Variants in PAX3 observed in about 807,000 individuals in gnomAD.
PAX3 encodes paired box protein Pax-3.
In PAX3, 14 loss-of-function variants were observed where a neutral mutation model predicts 51.6. The ratio of observed to expected loss-of-function variants is 0.27; its 90% CI spans 0.18 to 0.42. PAX3 has a LOEUF of 0.42. PAX3 is among the 10% of genes least tolerant of loss of function. The probability of loss-of-function intolerance (pLI) is 1.00; values close to 1 mark genes in which losing one functional copy is unlikely to be tolerated. For synonymous variants in PAX3, 280 were observed against 253.4 expected, an observed-to-expected ratio of 1.11 and a Z score of -1.00; for missense variants, 540 against 642.8, an observed-to-expected ratio of 0.84 and a Z score of 1.73.
chr2:222,212,329 A>G (rs2106054052), intron 7 of PAX3, among the ~76,000 whole-genome samples: 1 of 152,260 alleles, frequency 6.6e-6, no homozygotes, highest in East Asian at 1.9e-4. Flanking sequence ...TGCTTCTTTC[A>G]TTAGTTCAGT....
chr2:222,249,289 C>T (rs182717584), intron 4 of PAX3, among the ~76,000 whole-genome samples: 242 of 152,154 alleles, frequency 1.6e-3, no homozygotes, highest in Admixed American at 4.7e-3. Context: ...ATACACTTGC[C>T]CCTTTTTTTC....
At chr2:222,296,447 A>G (rs1418320825) in intron 2 of PAX3, among the ~76,000 whole-genome samples, 1 of 151,200 alleles carries the variant, frequency 6.6e-6, no homozygotes. Flanking sequence ...CAAACTGCTT[A>G]TTTTTTTTTA....
At chr2:222,239,561 A>G (rs1404184733) in intron 4 of PAX3, among the ~76,000 whole-genome samples, 1 of 152,208 alleles carries the variant, frequency 6.6e-6, no homozygotes, top group Non-Finnish European at 1.5e-5. Flanking sequence ...TAAAATTTTA[A>G]CGTGTAGCTA....
At position 222,221,225 on chromosome 2, in the gene PAX3, G is replaced by A. The variant is rs2106074168; in HGVS notation, c.955C>T (p.Gln319Ter). 1.2e-6 allele frequency: 2 copies of A among 1,613,942 alleles called. No homozygotes were observed. The highest frequency in any genetic ancestry group is 1.7e-6 in the Non-Finnish European group (2 of 1,179,866). The change falls in exon 6 of 9, where the codon CAA becomes TAA. Residue 319 changes from glutamine to a stop codon, truncating the protein, a stop_gained. Coordinates refer to ENST00000392070, the MANE Select transcript of PAX3 (RefSeq NM_181458.4). LOFTEE classifies it high-confidence loss of function. ...CTCCTTGACTCTTCCTCGGTACCTT[G>A]TGGAATAGATGTGGGCTGGTAAGAG... ...ETSYQPTSIP[Q>*]AVSDPSSTVH...
intron 7 of PAX3, among the ~76,000 whole-genome samples, chr2:222,213,569 G>T (rs1242780706): frequency 6.6e-5 from 10 of 152,102 alleles, no homozygotes. Context: ...ACAGAAAGAG[G>T]CTCAAGCCTT....
intron 4 of PAX3, among the ~76,000 whole-genome samples, chr2:222,252,042 T>A (rs1363158966): frequency 1.3e-5 from 2 of 152,176 alleles, no homozygotes; most frequent in Non-Finnish European, 2.9e-5. Flanking sequence ...TGTTTTTACC[T>A]CTGAGCTAAG....
At chr2:222,246,405 T>G (rs1574684417) in intron 4 of PAX3, among the ~76,000 whole-genome samples, 1 of 152,348 alleles carries the variant, frequency 6.6e-6, no homozygotes, top group East Asian at 1.9e-4. Flanking sequence ...TAAGAAAAGC[T>G]TTTTGAGCAA....
chr2:222,272,889 C>T (rs1253587772), intron 4 of PAX3, among the ~76,000 whole-genome samples: 1 of 152,164 alleles, frequency 6.6e-6, no homozygotes, highest in Non-Finnish European at 1.5e-5. Flanking sequence ...CTCACCATGA[C>T]ACAGTCAGGG....
intron 4 of PAX3, among the ~76,000 whole-genome samples, chr2:222,242,860 C>T (rs1365827682): frequency 6.6e-6 from 1 of 152,172 alleles, no homozygotes. Flanking sequence ...TTCAATAAGT[C>T]TCATGACATA....
intron 4 of PAX3, among the ~76,000 whole-genome samples, chr2:222,260,571 T>G (rs1442387564): frequency 5.3e-5 from 4 of 75,558 alleles, no homozygotes; most frequent in Non-Finnish European, 8.3e-5. Flanking sequence ...TTTTGTTTTT[T>G]TTTTTTGTTT....
chr2:222,262,443 A>G (rs1301132659), intron 4 of PAX3: 4 of 152,184 alleles, frequency 2.6e-5, no homozygotes, highest in Admixed American at 6.5e-5. Context: ...ACTTGCATAG[A>G]GGAAAAATTT....
chr2:222,283,833 G>A (rs1559308488), intron 4 of PAX3, among the ~76,000 whole-genome samples: 1 of 152,258 alleles, frequency 6.6e-6, no homozygotes, highest in Admixed American at 6.5e-5. Flanking sequence ...TCAGACCAGT[G>A]CATGCGGGGA....
rs1386691711 is a variant in PAX3 at position 222,201,245 on chromosome 2, T to C, written c.*163A>G. The C allele has an allele frequency of 1.2e-6, 2 of 1,614,010 alleles. No homozygotes were observed. Among genetic ancestry groups the C allele is most frequent in the Admixed American group, 1.7e-5 (1 of 60,008 alleles). On this transcript the variant is annotated 3_prime_UTR_variant, in exon 9 of 9. Coordinates refer to ENST00000392070, the MANE Select transcript of PAX3 (RefSeq NM_181458.4). ...TTCAAAAGGATTTGAAACCAACTAT[T>C]GGAGGAAGAAAATCAATCACTCTCC...
At chr2:222,296,956 A>C in intron 2 of PAX3, 22 bp downstream of exon 2, 2 of 1,590,972 alleles carry the variant, frequency 1.3e-6, no homozygotes, top group Non-Finnish European at 1.7e-6. Flanking sequence ...GGGAGCCAGG[A>C]GGGCAAGGCC....
intron 4 of PAX3, among the ~76,000 whole-genome samples, chr2:222,249,709 C>A (rs1357156543): frequency 6.6e-6 from 1 of 152,156 alleles, no homozygotes; most frequent in East Asian, 1.9e-4. Context: ...CCCCCGGGGT[C>A]CCGCAGTTCT....
At position 222,297,209 on chromosome 2, in the gene PAX3, G is replaced by T; in HGVS notation, c.90C>A (p.Ser30=). The T allele has an allele frequency of 6.4e-7, 1 of 1,570,184 alleles. No individual in the cohort carries two copies. The highest frequency in any genetic ancestry group is 8.6e-7 in the Non-Finnish European group (1 of 1,156,362). Residue 30 remains serine (S), a synonymous_variant, in exon 2 of 9, where the codon TCC becomes TCA. Transcript: ENST00000392070. ...TGACGCGGCCCTGGCCGAGGGGAGTGGACACTGTGGGAAGGTGAAAAAGAG... is the reference window on the plus strand; with the variant it reads ...TGACGCGGCCCTGGCCGAGGGGAGTTGACACTGTGGGAAGGTGAAAAAGAG... ...YPRSGFPLEV[S]TPLGQGRVNQ...
At chr2:222,222,587 A>G (rs1283451090) in intron 5 of PAX3, among the ~76,000 whole-genome samples, 1 of 152,086 alleles carries the variant, frequency 6.6e-6, no homozygotes, top group East Asian at 1.9e-4. Context: ...TATTCTTAGT[A>G]GAGACGGGGT....
In PAX3 at chr2:222,232,274, G is replaced by A; in HGVS notation, c.596C>T (p.Pro199Leu). 1.9e-6 allele frequency: 3 copies of A among 1,613,718 alleles called. No individual in the cohort carries two copies. The highest frequency in any genetic ancestry group is 2.2e-5 in the East Asian group (1 of 44,876). Reference protein sequence around the residue: ...DGILSERASAPQSDEGSDIDS... With the variant: ...DGILSERASALQSDEGSDIDS... ...AATATCAGAGCCTTCATCTGATTGG[G>A]GTGCTGAGGCTAAAAGCACAGAAGA... The change falls in exon 5 of 9, where the codon CCC becomes CTC. Residue 199 changes from proline to leucine, a missense_variant. Pro to Leu is a moderately conservative substitution (Grantham distance 98). Transcript: ENST00000392070.
At position 222,201,169 on chromosome 2, in the gene PAX3, G is replaced by T. The variant is rs768339357; in HGVS notation, c.*239C>A. The T allele has an allele frequency of 1.9e-4, 301 of 1,613,858 alleles. No individual in the cohort carries two copies. The highest frequency in any genetic ancestry group is 2.5e-4 in the Non-Finnish European group (295 of 1,179,900). ...ACCATTGCCTTAAAATGTTGCATTT[G>T]TCTTTTATTGCTCCAGGTCTTCCTC... On this transcript the variant is annotated 3_prime_UTR_variant, in exon 9 of 9. Transcript: ENST00000392070.
Sources: gnomAD v4.1 joint callset for allele counts (sites outside exome capture counted in the v4.1 genomes callset) on GRCh38, gnomAD v4.1.1 for gene constraint, MANE v1.5 for transcripts, NCBI Gene and HGNC (gene_info 2026-07-23, HGNC 2026-07-21) for gene names.